Variants in CFAP221 observed in about 807,000 individuals in gnomAD.
CFAP221 encodes cilia and flagella associated protein 221.
In CFAP221, 97 loss-of-function variants were observed where a neutral mutation model predicts 113.1. The ratio of observed to expected loss-of-function variants is 0.86; its 90% CI spans 0.73 to 1.02. The LOEUF is 1.02. CFAP221 is among the 50% of genes least tolerant of loss of function. The pLI is 0.00. For synonymous variants in CFAP221, 331 were observed against 354.4 expected (o/e 0.93, Z 0.74); for missense variants, 1,025 against 1,013.4 (o/e 1.01, Z -0.16).
At chr2:119,588,187 C>T (rs1683349492) in intron 7 of CFAP221, among the ~76,000 whole-genome samples, 2 of 152,192 alleles carry the variant, frequency 1.3e-5, no homozygotes, top group Non-Finnish European at 1.5e-5. Flanking sequence ...GGGTCCCTGC[C>T]CCTCTGATGG....
intron 7 of CFAP221, among the ~76,000 whole-genome samples, chr2:119,600,984 A>G (rs1301186586): frequency 6.6e-6 from 1 of 152,240 alleles, no homozygotes; most frequent in Non-Finnish European, 1.5e-5. Flanking sequence ...TACATATAAC[A>G]TATACAATAT....
chr2:119,562,363 A>G (rs1323686039), intron 6 of CFAP221, among the ~76,000 whole-genome samples: 3 of 152,142 alleles, frequency 2.0e-5, no homozygotes, highest in Non-Finnish European at 4.4e-5. Flanking sequence ...GTGGATCTTC[A>G]GGTGCCTCTG....
chr2:119,546,403 T>A, intron 2 of CFAP221, 133 bp downstream of exon 2: 1 of 1,052,500 alleles, frequency 9.5e-7, no homozygotes, highest in Non-Finnish European at 1.3e-6. Context: ...TTTTTATTAC[T>A]AAGAACAGTA....
At chr2:119,647,964 C>A (rs1687914398) in intron 22 of CFAP221, among the ~76,000 whole-genome samples, 1 of 152,130 alleles carries the variant, frequency 6.6e-6, no homozygotes, top group African/African-American at 2.4e-5. Flanking sequence ...AACACCACCA[C>A]CACCACCACC....
intron 6 of CFAP221, chr2:119,580,216 A>G (rs1682750643): frequency 6.6e-6 from 1 of 152,204 alleles, no homozygotes; most frequent in Admixed American, 6.5e-5. Flanking sequence ...GATTGACTGC[A>G]TACCTCTAAC....
chr2:119,600,502 T>A (rs1302392964), intron 7 of CFAP221, among the ~76,000 whole-genome samples: 1 of 152,246 alleles, frequency 6.6e-6, no homozygotes, highest in East Asian at 1.9e-4. Flanking sequence ...GATGTGTATA[T>A]ATTTGTAGAA....
intron 22 of CFAP221, among the ~76,000 whole-genome samples, chr2:119,648,107 C>T (rs754689570): frequency 1.3e-5 from 2 of 152,184 alleles, no homozygotes; most frequent in Non-Finnish European, 2.9e-5. Context: ...ACTACATGCC[C>T]AATGTTTAGT....
At chr2:119,571,380 T>C (rs1321339630) in intron 6 of CFAP221, among the ~76,000 whole-genome samples, 1 of 151,998 alleles carries the variant, frequency 6.6e-6, no homozygotes, top group Non-Finnish European at 1.5e-5. Context: ...CCTCAGGTGA[T>C]CCACCCACCT....
At chr2:119,653,893 A>C (rs1176779406) in intron 23 of CFAP221, among the ~76,000 whole-genome samples, 2 of 152,224 alleles carry the variant, frequency 1.3e-5, no homozygotes, top group Non-Finnish European at 2.9e-5. Context: ...TACAAGTTAT[A>C]CTAAAAACTT....
chr2:119,617,242 C>T (rs1329406632), intron 14 of CFAP221, among the ~76,000 whole-genome samples: 1 of 152,220 alleles, frequency 6.6e-6, no homozygotes, highest in African/African-American at 2.4e-5. Context: ...TGGGGACCTA[C>T]TCACCAGCTT....
intron 6 of CFAP221, among the ~76,000 whole-genome samples, chr2:119,585,919 T>G (rs1170133726): frequency 6.6e-6 from 1 of 152,176 alleles, no homozygotes; most frequent in Non-Finnish European, 1.5e-5. Context: ...CACAGACAGA[T>G]GGGTTCGGAT....
At chr2:119,589,360 C>A (rs1457816273) in intron 7 of CFAP221, among the ~76,000 whole-genome samples, 2 of 152,254 alleles carry the variant, frequency 1.3e-5, no homozygotes, top group Non-Finnish European at 2.9e-5. Context: ...GGTCTCCTGA[C>A]TTGCCAGGCA....
intron 6 of CFAP221, among the ~76,000 whole-genome samples, chr2:119,565,461 G>A (rs1285110016): frequency 6.6e-6 from 1 of 152,076 alleles, no homozygotes; most frequent in Non-Finnish European, 1.5e-5. Flanking sequence ...TGAGAACAAT[G>A]ATTTATAAAA....
At position 119,656,394 on chromosome 2, in the gene CFAP221, A is replaced by C; in HGVS notation, c.2447A>C (p.Lys816Thr). ...AAAGATCAAGCACAACCAGCAGAGA[A>C]GGCCGGAGAGAAGCTGCTCGAGGAG... ...EVKDQAQPAE[K>T]AGEKLLEEMR... Residue 816 changes from lysine (K) to threonine (T), a missense_variant, in exon 24 of 24, where the codon AAG (lysine) becomes ACG (threonine). Physicochemically the swap from Lys to Thr is moderately conservative, Grantham distance 78. Transcript: ENST00000413369. 1 of 1,614,062 alleles carries C rather than the reference A, an allele frequency of 6.2e-7. No individual in the cohort carries two copies.
At chr2:119,658,007 C>T (rs1306318039), downstream of CFAP221, among the ~76,000 whole-genome samples, 1 of 152,156 alleles carries the variant, frequency 6.6e-6, no homozygotes, top group Non-Finnish European at 1.5e-5. Flanking sequence ...TTAATATAAT[C>T]ATGGGGAGAG....
rs530063631 is a variant in CFAP221 at position 119,572,250 on chromosome 2, T to C, written c.527+10136T>C. 4.6e-5 allele frequency among the ~76,000 whole-genome samples: 7 copies of C among 152,354 alleles called. 1 individual carries two copies. The East Asian group carries it at 7.7e-4, about 17-fold the overall frequency. On this transcript the variant is annotated intron_variant, in intron 6 of 23. Coordinates refer to ENST00000413369, the MANE Select transcript of CFAP221 (RefSeq NM_001271049.2). ...AATAACAGAAAGTTGCATTCCAGTT[T>C]CTGTCCAACATTTCCAAGTCAAACA...
intron 7 of CFAP221, among the ~76,000 whole-genome samples, chr2:119,587,880 G>A (rs1226921263): frequency 6.6e-6 from 1 of 152,060 alleles, no homozygotes; most frequent in Non-Finnish European, 1.5e-5. Flanking sequence ...TACATATTTT[G>A]TCCAACAAAT....
At chr2:119,588,602 C>A (rs1683378265) in intron 7 of CFAP221, among the ~76,000 whole-genome samples, 1 of 152,108 alleles carries the variant, frequency 6.6e-6, no homozygotes. Context: ...ATCATGCAGG[C>A]CTTTCCCTCC....
rs748186157 is a variant in CFAP221, at chr2:119,601,312, G to C, written c.726G>C (p.Ser242=). ...AAATAAAAATGCAGTTATGGATTTCGCAGTTCAACTCTCAACCATACGAAT... is the reference window on the plus strand; with the variant it reads ...AAATAAAAATGCAGTTATGGATTTCCCAGTTCAACTCTCAACCATACGAAT... ...TAQIKMQLWI[S]QFNSQPYECV... The change falls in exon 8 of 24, where the codon TCG becomes TCC. Residue 242 remains serine, a synonymous_variant. Coordinates refer to ENST00000413369, the MANE Select transcript of CFAP221 (RefSeq NM_001271049.2). The C allele has an allele frequency of 1.3e-6, 2 of 1,535,680 alleles. No homozygotes were observed. Among genetic ancestry groups the C allele is most frequent in the Non-Finnish European group, 1.7e-6 (2 of 1,146,662 alleles).
Sources: gnomAD v4.1 joint callset for allele counts (sites outside exome capture counted in the v4.1 genomes callset) on GRCh38, gnomAD v4.1.1 for gene constraint, MANE v1.5 for transcripts, NCBI Gene and HGNC (gene_info 2026-07-23, HGNC 2026-07-21) for gene names.